Variants in SDHAF3 observed in about 807,000 individuals in gnomAD.
The protein encoded by SDHAF3 is succinate dehydrogenase complex assembly factor 3, also known as succinate dehydrogenase assembly factor 3, mitochondrial.
Under a neutral mutation model 11.5 loss-of-function variants are expected in SDHAF3, and 18 were observed. The observed-to-expected ratio is 1.56, with a 90% CI of 1.08 to 2.32. The LOEUF is 2.32. Ranked by LOEUF, SDHAF3 falls within the 30% of genes most tolerant of loss-of-function variation. The probability of loss-of-function intolerance (pLI) is 0.00; values close to 1 mark genes in which losing one functional copy is unlikely to be tolerated. For synonymous variants in SDHAF3, 72 were observed against 59.3 expected, an observed-to-expected ratio of 1.21 and a Z score of -0.99; for missense variants, 200 against 154.4, an observed-to-expected ratio of 1.30 and a Z score of -1.57.
chr7:97,176,823 T>G (rs914118043), intron 1 of SDHAF3, among the ~76,000 whole-genome samples: 1 of 152,184 alleles, frequency 6.6e-6, no homozygotes, highest in African/African-American at 2.4e-5. Flanking sequence ...CACAAAGTTA[T>G]GAAAATTTTC....
At chr7:97,172,071 G>A (rs1789608370) in intron 1 of SDHAF3, among the ~76,000 whole-genome samples, 1 of 151,914 alleles carries the variant, frequency 6.6e-6, no homozygotes, top group South Asian at 2.1e-4. Context: ...TATCAAAACA[G>A]TACAGGGTTG....
At chr7:97,143,337 T>C (rs1009114814) in intron 1 of SDHAF3, among the ~76,000 whole-genome samples, 10 of 152,154 alleles carry the variant, frequency 6.6e-5, no homozygotes, top group Non-Finnish European at 1.3e-4. Context: ...ATTGATGTAC[T>C]GGTGGTATTT....
chr7:97,140,733 CG>C (rs1399273998), intron 1 of SDHAF3, among the ~76,000 whole-genome samples: 2 of 145,366 alleles, frequency 1.4e-5, no homozygotes, highest in Non-Finnish European at 3.0e-5. Context: ...CCGTCATCTT[CG>C]CAAGCTGAGG....
At chr7:97,121,833 GTTTTTTGGTTTTT>G (rs1281026855) in intron 1 of SDHAF3, among the ~76,000 whole-genome samples, 204 of 147,648 alleles carry the variant, frequency 1.4e-3, no homozygotes, top group African/African-American at 5.0e-3. Flanking sequence ...ACAGTATGAG[GTTTTTTGGTTTTT>G]TTTTTTTGTT....
At chr7:97,175,111 T>C (rs944573546) in intron 1 of SDHAF3, among the ~76,000 whole-genome samples, 3 of 152,224 alleles carry the variant, frequency 2.0e-5, no homozygotes, top group South Asian at 2.1e-4. Context: ...CTTGAAATGG[T>C]TTATTTAGTT....
chr7:97,139,379 A>C (rs763608437), intron 1 of SDHAF3, among the ~76,000 whole-genome samples: 12 of 151,792 alleles, frequency 7.9e-5, no homozygotes, highest in Non-Finnish European at 1.5e-4. Flanking sequence ...AGAATGGGGG[A>C]GTGTATGCCG....
At chr7:97,129,173 A>G (rs1488797038) in intron 1 of SDHAF3, among the ~76,000 whole-genome samples, 1 of 152,166 alleles carries the variant, frequency 6.6e-6, no homozygotes, top group Non-Finnish European at 1.5e-5. Flanking sequence ...TTATGAATAA[A>G]ACAATAAGAA....
At chr7:97,119,433 T>TA (rs1254616196) in intron 1 of SDHAF3, among the ~76,000 whole-genome samples, 1 of 152,178 alleles carries the variant, frequency 6.6e-6, no homozygotes, top group Non-Finnish European at 1.5e-5. Context: ...TTAGTTGACC[T>TA]AGTAGGCTTG....
chr7:97,176,030 C>T (rs1789674311), intron 1 of SDHAF3, among the ~76,000 whole-genome samples: 1 of 152,164 alleles, frequency 6.6e-6, no homozygotes, highest in African/African-American at 2.4e-5. Context: ...ATCACATTCT[C>T]CTCTGTATGC....
chr7:97,119,641 T>G (rs1791461463), intron 1 of SDHAF3, among the ~76,000 whole-genome samples: 1 of 152,198 alleles, frequency 6.6e-6, no homozygotes, highest in Admixed American at 6.5e-5. Flanking sequence ...TTGCCAGCCC[T>G]TTCACTAATG....
At chr7:97,120,594 C>T (rs190517146) in intron 1 of SDHAF3, among the ~76,000 whole-genome samples, 302 of 151,608 alleles carry the variant, frequency 2.0e-3, no homozygotes, top group African/African-American at 7.0e-3. Flanking sequence ...AGTTAGTGCT[C>T]ATTACAAACT....
intron 1 of SDHAF3, among the ~76,000 whole-genome samples, chr7:97,163,176 T>TC (rs1789440826): frequency 6.6e-6 from 1 of 150,508 alleles, no homozygotes; most frequent in Non-Finnish European, 1.5e-5. Flanking sequence ...TCCTTTTTTT[T>TC]TTTTTTTTTT....
At chr7:97,151,734 C>T (rs374268021) in intron 1 of SDHAF3, among the ~76,000 whole-genome samples, 22 of 151,962 alleles carry the variant, frequency 1.4e-4, no homozygotes, top group Admixed American at 9.8e-4. Context: ...CTTCTGACCT[C>T]GTGATCTGCC....
chr7:97,141,251 A>G (rs12671362), intron 1 of SDHAF3, among the ~76,000 whole-genome samples: 61,189 of 151,858 alleles, frequency 0.4, 12,505 homozygotes, highest in East Asian at 0.49. Flanking sequence ...TTTTAATTTC[A>G]CCCCAGTTCT....
chr7:97,172,293 G>A (rs1789611970), intron 1 of SDHAF3, among the ~76,000 whole-genome samples: 1 of 152,094 alleles, frequency 6.6e-6, no homozygotes, highest in African/African-American at 2.4e-5. Context: ...TTGTAGTCTA[G>A]ATGAACTATA....
intron 1 of SDHAF3, among the ~76,000 whole-genome samples, chr7:97,122,416 A>G (rs1791515557): frequency 6.6e-6 from 1 of 152,202 alleles, no homozygotes; most frequent in Non-Finnish European, 1.5e-5. Context: ...GAGAACTGTT[A>G]GTAGATGGAT....
chr7:97,160,823 G>C (rs527906902), intron 1 of SDHAF3, among the ~76,000 whole-genome samples: 1 of 152,276 alleles, frequency 6.6e-6, no homozygotes, highest in South Asian at 2.1e-4. Context: ...AGAACAGTCA[G>C]TGTAGGCACA....
intron 1 of SDHAF3, among the ~76,000 whole-genome samples, chr7:97,157,692 C>T (rs565293950): frequency 6.6e-6 from 1 of 152,134 alleles, no homozygotes; most frequent in East Asian, 1.9e-4. Flanking sequence ...GCACTATTCA[C>T]AATAGCAAAG....
chr7:97,119,560 CAG>C (rs1791460456), intron 1 of SDHAF3, among the ~76,000 whole-genome samples: 1 of 152,140 alleles, frequency 6.6e-6, no homozygotes, highest in Non-Finnish European at 1.5e-5. Context: ...CTTACATAAT[CAG>C]GGTACAGTGA....
Sources: allele counts gnomAD v4.1 joint callset (sites outside exome capture counted in the v4.1 genomes callset), GRCh38; gene constraint gnomAD v4.1.1; transcripts MANE v1.5; gene names NCBI Gene and HGNC (gene_info 2026-07-23, HGNC 2026-07-21).